Variants in ZNF222 observed in about 807,000 individuals in gnomAD.
ZNF222 encodes the protein zinc finger protein 222.
In ZNF222, 8 loss-of-function variants were observed where a neutral mutation model predicts 11.6. The ratio of observed to expected loss-of-function variants is 0.69; its 90% confidence interval spans 0.41 to 1.25. The LOEUF (loss-of-function observed/expected upper bound fraction) is 1.25, where lower values mean the gene tolerates loss of function less well. ZNF222 is among the 50% of genes most tolerant of loss of function. The probability of loss-of-function intolerance (pLI) is 0.01; values close to 1 mark genes in which losing one functional copy is unlikely to be tolerated. For synonymous variants in ZNF222, 171 were observed against 195.6 expected (o/e 0.87, Z 1.05); for missense variants, 483 against 576.1 (o/e 0.84, Z 1.65).
At chr19:44,030,520 A>G (rs1054699179) in intron 3 of ZNF222, among the ~76,000 whole-genome samples, 5 of 152,242 alleles carry the variant, frequency 3.3e-5, no homozygotes, top group African/African-American at 1.2e-4. Flanking sequence ...GAATGCTTTT[A>G]TCCTCACAGT....
Position 44,032,123 on chromosome 19 carries a change from G to C in ZNF222, c.569G>C (p.Cys190Ser). Residue 190 changes from cysteine to serine, a missense_variant, in exon 4 of 4, where the codon TGT becomes TCT. Cys to Ser is a moderately radical substitution (Grantham distance 112, BLOSUM62 -1). Transcript: ENST00000391960. The part of the protein sequence containing the change: ...SGEKSHTCDE[C>S]GKSFCYISAL... Reference sequence around the variant, plus strand: ...GAGAAGTCTCATACCTGTGATGAGTGTGGAAAAAGCTTCTGTTACATCTCA... The same window carrying C: ...GAGAAGTCTCATACCTGTGATGAGTCTGGAAAAAGCTTCTGTTACATCTCA... The C allele has an allele frequency of 6.2e-7, 1 of 1,614,238 alleles. No homozygotes were observed. Among genetic ancestry groups the C allele is most frequent in the South Asian group, 1.1e-5 (1 of 91,086 alleles).
At position 44,031,884 on chromosome 19, in the gene ZNF222, G is replaced by A. The variant is rs1283494407; in HGVS notation, c.330G>A (p.Lys110=). 3.7e-6 allele frequency: 6 copies of A among 1,614,054 alleles called. No individual in the cohort carries two copies. The East Asian group carries it at 1.3e-4, about 36-fold the overall frequency. Residue 110 remains lysine (K), a synonymous_variant, in exon 4 of 4, where the codon AAG becomes AAA. Transcript: ENST00000391960. ...GAACACATGAAGAATTTTCCTGCAA[G>A]CAAATTTGGGAACAAATTGCAAGTG... ...EAGTHEEFSC[K]QIWEQIASDL...
At chr19:44,029,808 C>T (rs1440218384) in intron 3 of ZNF222, among the ~76,000 whole-genome samples, 1 of 152,176 alleles carries the variant, frequency 6.6e-6, no homozygotes, top group Non-Finnish European at 1.5e-5. Flanking sequence ...GTACCTAATT[C>T]AGGACTTGGT....
At chr19:44,027,825 C>T (rs949255445) in intron 3 of ZNF222, among the ~76,000 whole-genome samples, 7 of 152,160 alleles carry the variant, frequency 4.6e-5, no homozygotes, top group Admixed American at 3.9e-4. Context: ...CCTGTCCTCT[C>T]CCCCTTGCTC....
At chr19:44,026,827 A>G (rs927494229) in intron 1 of ZNF222, among the ~76,000 whole-genome samples, 196 bp from the exon 2 acceptor site, 1 of 152,160 alleles carries the variant, frequency 6.6e-6, no homozygotes, top group Non-Finnish European at 1.5e-5. Flanking sequence ...TGGTGTGTGC[A>G]GTCTCCATTC....
At chr19:44,028,466 C>G (rs1251346786) in intron 3 of ZNF222, 2 of 383,690 alleles carry the variant, frequency 5.2e-6, no homozygotes, top group Non-Finnish European at 9.2e-6. Flanking sequence ...AACTTACTGA[C>G]CCCTCTTTTA....
intron 3 of ZNF222, among the ~76,000 whole-genome samples, chr19:44,030,448 G>A (rs1333778328): frequency 2.0e-5 from 3 of 152,206 alleles, no homozygotes; most frequent in African/African-American, 2.4e-5. Flanking sequence ...GTGAAAATTC[G>A]GCAGCTTTTC....
Position 44,032,912 on chromosome 19 carries a change from A to G in ZNF222, c.1358A>G (p.Lys453Arg). 6.2e-7 allele frequency: 1 copy of G among 1,613,022 alleles called. No individual in the cohort carries two copies. The highest frequency in any genetic ancestry group is 8.5e-7 in the Non-Finnish European group (1 of 1,179,814). The change falls in exon 4 of 4, where the codon AAA (lysine) becomes AGA (arginine). Residue 453 changes from lysine (K) to arginine (R), a missense_variant. Physicochemically the swap from Lys to Arg is conservative, Grantham distance 26. Coordinates refer to ENST00000391960, the MANE Select transcript of ZNF222 (RefSeq NM_001129996.2). ...GKRLVCRSYC[K>R]DQQRDHSGEN... ...AGGCTTGTATGCCGGTCATACTGTAAAGACCAACAAAGAGACCACAGTGGA... is the reference window on the plus strand; with the variant it reads ...AGGCTTGTATGCCGGTCATACTGTAGAGACCAACAAAGAGACCACAGTGGA...
At chr19:44,028,475 T>C in intron 3 of ZNF222, 1 of 377,712 alleles carries the variant, frequency 2.6e-6, no homozygotes, top group Non-Finnish European at 4.7e-6. Context: ...ACCCCTCTTT[T>C]AGTTTATGCA....
intron 3 of ZNF222, among the ~76,000 whole-genome samples, chr19:44,031,476 T>TTTTTG (rs1169159678): frequency 9.2e-5 from 14 of 152,014 alleles, no homozygotes; most frequent in African/African-American, 2.2e-4. Flanking sequence ...TTTGTTTCTG[T>TTTTTG]TTTTGTTTTG....
At position 44,025,531 on chromosome 19, in the gene ZNF222, C is replaced by T; in HGVS notation, c.42+53C>T. On this transcript the variant is annotated intron_variant, in intron 1 of 3. Coordinates refer to ENST00000391960, the MANE Select transcript of ZNF222 (RefSeq NM_001129996.2). This position sits in a 1 kb window ranked among gnomAD's most constrained non-coding sequence, Gnocchi z 4.6. ...CGTTCCAGTCAGCTGAGCCTTCTGG[C>T]GTCGGGGGGCTCTGCTAGGGTCTCA... 6 of 1,511,450 alleles carry T rather than the reference C, an allele frequency of 4.0e-6. No individual in the cohort carries two copies. The highest frequency in any genetic ancestry group is 4.4e-5 in the Admixed American group (2 of 45,622). 93.6% of individuals were successfully genotyped at this position (1,511,450 alleles called of 1,614,324 possible).
At chr19:44,027,848 G>A (rs1976413997) in intron 3 of ZNF222, among the ~76,000 whole-genome samples, 1 of 151,950 alleles carries the variant, frequency 6.6e-6, no homozygotes, top group African/African-American at 2.4e-5. Flanking sequence ...TCTTTTCCAG[G>A]CACCTTGTCC....
chr19:44,025,406 G>C lies in ZNF222; in HGVS notation c.-31G>C. The C allele has an allele frequency of 6.4e-7, 1 of 1,551,418 alleles. No individual in the cohort carries two copies. The highest frequency in any genetic ancestry group is 8.7e-7 in the Non-Finnish European group (1 of 1,146,746). Reference sequence around the variant, plus strand: ...ACATCTTGCGAGTCCTTCCGAACGAGTCTCCTTTCCTTGGGGCTCGCAACC... The same window carrying C: ...ACATCTTGCGAGTCCTTCCGAACGACTCTCCTTTCCTTGGGGCTCGCAACC... On this transcript the variant is annotated 5_prime_UTR_variant, in exon 1 of 4. Coordinates refer to ENST00000391960, the MANE Select transcript of ZNF222 (RefSeq NM_001129996.2). The surrounding 1 kb of genome is among the most constrained non-coding windows in gnomAD (Gnocchi z 4.6).
rs779271993 is a variant in ZNF222 at position 44,032,844 on chromosome 19, C to A, written c.1290C>A (p.Leu430=). 4 of 1,613,562 alleles carry A rather than the reference C, an allele frequency of 2.5e-6. No homozygotes were observed. The South Asian group carries it at 4.4e-5, about 18-fold the overall frequency. Residue 430 remains leucine, a synonymous_variant, in exon 4 of 4, where the codon CTC becomes CTA. Coordinates refer to ENST00000391960, the MANE Select transcript of ZNF222 (RefSeq NM_001129996.2). ...CTAGTATTTTGAATCATAAGAAACT[C>A]CACTGCCAAAGAAAGCCATTGAAAT... ...HASSILNHKK[L]HCQRKPLKCE... is the part of the protein sequence containing the mutation.
At chr19:44,029,764 A>G (rs1344351043) in intron 3 of ZNF222, among the ~76,000 whole-genome samples, 1 of 152,234 alleles carries the variant, frequency 6.6e-6, no homozygotes, top group Admixed American at 6.5e-5. Context: ...TTTCCATTGG[A>G]AAAACTTGGA....
Position 44,032,019 on chromosome 19 carries a change from A to C in ZNF222, c.465A>C (p.Lys155Asn), listed in dbSNP as rs1022730804. 1 of 1,614,090 alleles carries C rather than the reference A, an allele frequency of 6.2e-7. No homozygotes were observed. The highest frequency in any genetic ancestry group is 1.3e-5 in the African/African-American group (1 of 75,002). The change falls in exon 4 of 4, where the codon AAA (lysine) becomes AAC (asparagine). Residue 155 changes from lysine to asparagine, a missense_variant. Transcript: ENST00000391960. ...ARLSTVHTRE[K>N]PFQGENCKQF... Reference sequence around the variant, plus strand: ...TATCTACAGTTCACACAAGAGAAAAACCTTTCCAGGGTGAAAATTGTAAAC... The same window carrying C: ...TATCTACAGTTCACACAAGAGAAAACCCTTTCCAGGGTGAAAATTGTAAAC...
chr19:44,026,819 G>A (rs1249086052), intron 1 of ZNF222, among the ~76,000 whole-genome samples: 1 of 152,134 alleles, frequency 6.6e-6, no homozygotes, highest in African/African-American at 2.4e-5. Flanking sequence ...CTGTTGACTG[G>A]TGTGTGCAGT....
At position 44,032,111 on chromosome 19, in the gene ZNF222, C is replaced by G. The variant is rs757351184; in HGVS notation, c.557C>G (p.Thr186Ser). ...QQLYSGEKSH[T>S]CDECGKSFCY... ...TTATATTCAGGAGAGAAGTCTCATA[C>G]CTGTGATGAGTGTGGAAAAAGCTTC... The change falls in exon 4 of 4, where the codon ACC becomes AGC. Residue 186 changes from threonine (T) to serine (S), a missense_variant. By Grantham distance (58) the Thr-to-Ser change is moderately conservative (BLOSUM62 1). Transcript: ENST00000391960. 2.5e-6 allele frequency: 4 copies of G among 1,614,184 alleles called. No individual in the cohort carries two copies. In the Admixed American group the frequency reaches 5.0e-5, roughly 20 times the overall value.
Position 44,025,933 on chromosome 19 carries a change from T to G in ZNF222, c.42+455T>G, listed in dbSNP as rs2147439297. On this transcript the variant is annotated intron_variant, in intron 1 of 3. Transcript: ENST00000391960. This position sits in a 1 kb window ranked among gnomAD's most constrained non-coding sequence, Gnocchi z 4.6. ...GGACGCTGGATGATCCCTGACGCCT[T>G]CTGACCTCTTTTTAGGAAAGTGAGG... 1 of 1,330,856 alleles carries G rather than the reference T, an allele frequency of 7.5e-7. No individual in the cohort carries two copies. Among genetic ancestry groups the G allele is most frequent in the Non-Finnish European group, 1.0e-6 (1 of 960,976 alleles). 82.4% of individuals were successfully genotyped at this position (1,330,856 alleles called of 1,614,324 possible). A position where few individuals can be genotyped will look rare whatever the true frequency, so the allele number is the denominator to read the frequency against.
Sources: allele counts gnomAD v4.1 joint callset (sites outside exome capture counted in the v4.1 genomes callset), GRCh38; gene constraint gnomAD v4.1.1; non-coding constraint Gnocchi (gnomAD v3.1); transcripts MANE v1.5; gene names NCBI Gene and HGNC (gene_info 2026-07-23, HGNC 2026-07-21).